AP1M1: variants seen among roughly 807,000 people sequenced by gnomAD.
AP1M1 encodes AP-1 complex subunit mu-1.
In AP1M1, 18 loss-of-function variants were observed where a neutral mutation model predicts 57.1. The observed-to-expected ratio is 0.32, with a 90% CI of 0.22 to 0.47. AP1M1 has a LOEUF of 0.47. Among genes scored for constraint, AP1M1 ranks in the 20% least tolerant of loss-of-function variants. The probability of loss-of-function intolerance (pLI) is 1.00; values close to 1 mark genes in which losing one functional copy is unlikely to be tolerated. For missense variants in AP1M1, 362 were observed against 593.5 expected (o/e 0.61, Z 4.05); for synonymous variants, 241 against 237.9 (o/e 1.01, Z -0.12).
intron 1 of AP1M1, among the ~76,000 whole-genome samples, chr19:16,200,319 G>A (rs895506494): frequency 3.9e-5 from 6 of 152,176 alleles, no homozygotes; most frequent in Admixed American, 6.5e-5. Flanking sequence ...TGGAAGGCAC[G>A]ATCATGTGGA....
Position 16,244,056 on chromosome 19 carries a change from TCAG to T in AP1M1, c.*9624_*9626del, listed in dbSNP as rs1314101570. 6.6e-6 allele frequency: 1 copy of T among 152,234 alleles called. No individual in the cohort carries two copies. The highest frequency in any genetic ancestry group is 2.4e-5 in the African/African-American group (1 of 41,464). The allele number at this position is 152,234 out of a possible 1,614,324, so 9.4% of individuals were successfully genotyped here. Reference sequence around the variant, plus strand: ...CACTCTTTTGTGTATATGTTACACTTCAGCAAAAACATTCACAAAGGGGAAAAA... The same window carrying T: ...CACTCTTTTGTGTATATGTTACACTTCAAAAACATTCACAAAGGGGAAAAA... On this transcript the variant is annotated 3_prime_UTR_variant, in exon 12 of 12. Transcript: ENST00000291439.
At chr19:16,218,669 G>C (rs146763355) in intron 5 of AP1M1, among the ~76,000 whole-genome samples, 1 of 152,126 alleles carries the variant, frequency 6.6e-6, no homozygotes, top group Non-Finnish European at 1.5e-5. Context: ...TCCTGGCTGC[G>C]TCTAGTTGGC....
At position 16,228,319 on chromosome 19, in the gene AP1M1, G is replaced by A; in HGVS notation, c.888+111G>A. 8.9e-7 allele frequency: 1 copy of A among 1,124,558 alleles called. No individual in the cohort carries two copies. The highest frequency in any genetic ancestry group is 1.3e-6 in the Non-Finnish European group (1 of 768,906). The allele number at this position is 1,124,558 out of a possible 1,614,324, so 69.7% of individuals were successfully genotyped here. The stretch of plus-strand genomic sequence containing the variant: ...GGGCTGCCATCCGTGCACCCTCACT[G>A]TGGCCTCAGATGCAGGAGTGACCTG... On this transcript the variant is annotated intron_variant, in intron 8 of 11. Coordinates refer to ENST00000291439, the MANE Select transcript of AP1M1 (RefSeq NM_032493.4). The surrounding 1 kb of genome is among the most constrained non-coding windows in gnomAD (Gnocchi z 5.0).
chr19:16,226,643 G>A (rs1033166362), intron 6 of AP1M1, 96 bp downstream of exon 6: 3 of 1,442,574 alleles, frequency 2.1e-6, no homozygotes, highest in Admixed American at 2.3e-5. Flanking sequence ...GGAGGAACGA[G>A]CTGGTTTCAA....
intron 1 of AP1M1, among the ~76,000 whole-genome samples, chr19:16,201,959 G>A (rs2091449912): frequency 6.6e-6 from 1 of 152,160 alleles, no homozygotes; most frequent in Non-Finnish European, 1.5e-5. Context: ...GGGGTAAGTG[G>A]CAGTTCAGCA....
intron 5 of AP1M1, among the ~76,000 whole-genome samples, chr19:16,221,235 A>T (rs961559987): frequency 6.6e-6 from 1 of 152,190 alleles, no homozygotes; most frequent in Admixed American, 6.5e-5. Flanking sequence ...TCAAGCTGTT[A>T]TAAGTAAAAT....
chr19:16,231,287 CAAAAAAAAAAAA>C (rs1231125818), intron 9 of AP1M1, among the ~76,000 whole-genome samples: 51 of 115,126 alleles, frequency 4.4e-4, no homozygotes, highest in Non-Finnish European at 5.7e-4. Flanking sequence ...GACTCTGTCT[CAAAAAAAAAAAA>C]AAAAAAAAAA....
At chr19:16,234,093 T>C (rs2091611946) in intron 10 of AP1M1, 106 bp from the exon 11 acceptor site, 2 of 1,139,022 alleles carry the variant, frequency 1.8e-6, no homozygotes, top group African/African-American at 1.5e-5. Context: ...CATCCTGTCG[T>C]CATGGCCTCC....
intron 5 of AP1M1, among the ~76,000 whole-genome samples, chr19:16,211,607 G>A (rs762102132): frequency 1.3e-5 from 2 of 152,070 alleles, no homozygotes; most frequent in South Asian, 4.2e-4. Context: ...AAAATTAGCC[G>A]GGCGTGGTGA....
intron 5 of AP1M1, among the ~76,000 whole-genome samples, chr19:16,217,512 A>G (rs887819242): frequency 6.6e-6 from 1 of 152,132 alleles, no homozygotes; most frequent in African/African-American, 2.4e-5. Flanking sequence ...TAGTGTGTCC[A>G]TGGGGCCGCT....
intron 5 of AP1M1, among the ~76,000 whole-genome samples, chr19:16,222,663 A>T (rs1363173949): frequency 6.6e-6 from 1 of 152,060 alleles, no homozygotes; most frequent in Non-Finnish European, 1.5e-5. Flanking sequence ...GCTGGAGTAT[A>T]GTGGTGCAGT....
chr19:16,230,126 G>A (rs1012314591), intron 9 of AP1M1, among the ~76,000 whole-genome samples: 5 of 152,352 alleles, frequency 3.3e-5, no homozygotes, highest in South Asian at 2.1e-4. Flanking sequence ...ACAGGCTGGC[G>A]TGGACTGTGC....
At position 16,203,602 on chromosome 19, in the gene AP1M1, C is replaced by G. The variant is rs1317219147; in HGVS notation, c.186C>G (p.His62Gln). The part of the protein sequence containing the change: ...HGGVRFMWIK[H>Q]NNLYLVATSK... ...GGGTCCGTTTCATGTGGATCAAACA[C>G]AACAACCTGTATCGTATCCCTTTGC... is the stretch of plus-strand genomic sequence containing the variant. The change falls in exon 2 of 12, where the codon CAC becomes CAG. Residue 62 changes from histidine to glutamine, a missense_variant. His to Gln is a conservative substitution (Grantham distance 24). Transcript: ENST00000291439. The surrounding 1 kb of genome is among the most constrained non-coding windows in gnomAD (Gnocchi z 4.6). 5.0e-6 allele frequency: 8 copies of G among 1,611,438 alleles called. No individual in the cohort carries two copies. The highest frequency in any genetic ancestry group is 4.2e-6 in the Non-Finnish European group (5 of 1,178,448).
rs2091455786 is a variant in AP1M1 at position 16,203,209 on chromosome 19, T to A, written c.43-250T>A. 1 of 528,450 alleles carries A rather than the reference T, an allele frequency of 1.9e-6. No individual in the cohort carries two copies. The highest frequency in any genetic ancestry group is 1.9e-5 in the African/African-American group (1 of 52,278). 32.7% of individuals were successfully genotyped at this position (528,450 alleles called of 1,614,324 possible). A position where few individuals can be genotyped will look rare whatever the true frequency, so the allele number is the denominator to read the frequency against. On this transcript the variant is annotated intron_variant, in intron 1 of 11. Coordinates refer to ENST00000291439, the MANE Select transcript of AP1M1 (RefSeq NM_032493.4). This position sits in a 1 kb window ranked among gnomAD's most constrained non-coding sequence, Gnocchi z 4.6. ...TCAGTCCTGGACCTTTGCTGCAGAG[T>A]TCGCCTCTACCCTCACCCTGCGAAG...
At chr19:16,222,701 G>A (rs951951706) in intron 5 of AP1M1, among the ~76,000 whole-genome samples, 2 of 151,936 alleles carry the variant, frequency 1.3e-5, no homozygotes, top group African/African-American at 4.8e-5. Flanking sequence ...TCAACCTCGT[G>A]TGTTCAAGTG....
At position 16,207,994 on chromosome 19, in the gene AP1M1, C is replaced by T. The variant is rs781359188; in HGVS notation, c.268-25C>T. On this transcript the variant is annotated intron_variant, in intron 3 of 11. Coordinates refer to ENST00000291439, the MANE Select transcript of AP1M1 (RefSeq NM_032493.4). This position sits in a 1 kb window ranked among gnomAD's most constrained non-coding sequence, Gnocchi z 4.2. ...CCGCTCAATGATCTGCCTCCCATTC[C>T]TCCCTCCCTCCCCAACCGCCACAGG... The T allele has an allele frequency of 7.5e-6, 12 of 1,594,414 alleles. No homozygotes were observed. The African/African-American group carries it at 1.5e-4, about 20-fold the overall frequency.
intron 1 of AP1M1, among the ~76,000 whole-genome samples, chr19:16,201,653 C>T (rs1056537230): frequency 6.6e-6 from 1 of 152,166 alleles, no homozygotes; most frequent in African/African-American, 2.4e-5. Context: ...CTGCCTCAGC[C>T]TCCCAAAGTG....
Position 16,209,340 on chromosome 19 carries a change from T to C in AP1M1, c.546+163T>C, listed in dbSNP as rs527532687. ...ATTGAAATGTGAGTTTGTCTTATCT[T>C]TTTTTTTTGAGACGGAATCTCATTC... is the stretch of plus-strand genomic sequence containing the variant. On this transcript the variant is annotated intron_variant, in intron 5 of 11. Coordinates refer to ENST00000291439, the MANE Select transcript of AP1M1 (RefSeq NM_032493.4). The C allele has an allele frequency of 3.3e-4, 251 of 755,542 alleles. 1 individual carries two copies. The highest frequency in any genetic ancestry group is 1.8e-3 in the Admixed American group (60 of 32,484). The allele number at this position is 755,542 out of a possible 1,614,324, so 46.8% of individuals were successfully genotyped here.
At chr19:16,214,994 CCA>C (rs2091511408) in intron 5 of AP1M1, among the ~76,000 whole-genome samples, 1 of 151,412 alleles carries the variant, frequency 6.6e-6, no homozygotes, top group African/African-American at 2.4e-5. Flanking sequence ...GGCACTCCAC[CCA>C]CCTCGGCCTC....
Sources: gnomAD v4.1 joint callset for allele counts (sites outside exome capture counted in the v4.1 genomes callset) on GRCh38, gnomAD v4.1.1 for gene constraint, Gnocchi (gnomAD v3.1) non-coding constraint, MANE v1.5 for transcripts, NCBI Gene and HGNC (gene_info 2026-07-23, HGNC 2026-07-21) for gene names.